KCNQ3: variants seen among roughly 807,000 people sequenced by gnomAD.
The protein encoded by KCNQ3 is potassium voltage-gated channel subfamily Q member 3.
KCNQ3 carries 30 observed loss-of-function variants against 92.5 expected under a neutral mutation model. The ratio of observed to expected loss-of-function variants is 0.32; its 90% CI spans 0.24 to 0.44. The LOEUF (loss-of-function observed/expected upper bound fraction) is 0.44, where lower values mean the gene tolerates loss of function less well. Ranked by LOEUF, KCNQ3 falls within the 20% of genes least tolerant of loss-of-function variation. The pLI is 1.00. For synonymous variants in KCNQ3, 450 were observed against 468.8 expected (o/e 0.96, Z 0.52); for missense variants, 913 against 1,140.3 (o/e 0.80, Z 2.87).
rs540345450 is a variant in KCNQ3 at position 132,125,526 on chromosome 8, T to C, written c.*3736A>G. On this transcript the variant is annotated 3_prime_UTR_variant, in exon 15 of 15. Transcript: ENST00000388996. ...GTTCTGGGCATATATTGGTGCTTAA[T>C]AAACCCTGTTAAATGAATAAACAAA... 1 of 152,222 alleles carries C rather than the reference T, an allele frequency of 6.6e-6. No homozygotes were observed. The highest frequency in any genetic ancestry group is 2.1e-4 in the South Asian group (1 of 4,828). The allele number at this position is 152,222 out of a possible 1,614,324, so 9.4% of individuals were successfully genotyped here.
At chr8:132,136,118 CAAAAAAAAAAAAAAAAA>C (rs67331428) in intron 12 of KCNQ3, among the ~76,000 whole-genome samples, 3 of 40,020 alleles carry the variant, frequency 7.5e-5, no homozygotes, top group African/African-American at 1.2e-4. Context: ...GACTCCATCT[CAAAAAAAAAAAAAAAAA>C]AAAAAAAAAA....
Position 132,126,368 on chromosome 8 carries a change from A to C in KCNQ3, c.*2894T>G, listed in dbSNP as rs771835111. On this transcript the variant is annotated 3_prime_UTR_variant, in exon 15 of 15. Transcript: ENST00000388996. ...AACTCACATTCAATTCCAGACCCTG[A>C]ATTTCTGCTTGCTCACTGTGAGCCA... is the stretch of plus-strand genomic sequence containing the variant. 1 of 152,084 alleles carries C rather than the reference A, an allele frequency of 6.6e-6. No individual in the cohort carries two copies. The highest frequency in any genetic ancestry group is 1.5e-5 in the Non-Finnish European group (1 of 68,028). The allele number at this position is 152,084 out of a possible 1,614,324, so 9.4% of individuals were successfully genotyped here. A position where few individuals can be genotyped will look rare whatever the true frequency, so the allele number is the denominator to read the frequency against.
chr8:132,420,075 C>T (rs1820927537), intron 1 of KCNQ3, among the ~76,000 whole-genome samples: 1 of 152,166 alleles, frequency 6.6e-6, no homozygotes, highest in Admixed American at 6.5e-5. Flanking sequence ...GGGTTCTGGT[C>T]AGGGCCCTCT....
chr8:132,141,406 A>T, intron 9 of KCNQ3, 75 bp from the exon 10 acceptor site: 1 of 1,270,844 alleles, frequency 7.9e-7, no homozygotes, highest in Admixed American at 1.8e-5. Context: ...CTCCATAAAG[A>T]CTCACACATT....
chr8:132,413,369 C>T (rs1820706656), intron 1 of KCNQ3, among the ~76,000 whole-genome samples: 1 of 152,196 alleles, frequency 6.6e-6, no homozygotes, highest in South Asian at 2.1e-4. Context: ...ACCCTTCAGA[C>T]TTCAGTTTAA....
At chr8:132,327,137 G>C (rs528153020) in intron 1 of KCNQ3, among the ~76,000 whole-genome samples, 1 of 152,274 alleles carries the variant, frequency 6.6e-6, no homozygotes, top group African/African-American at 2.4e-5. Context: ...ATGGAGGCAG[G>C]TGCTGAAAAA....
intron 1 of KCNQ3, among the ~76,000 whole-genome samples, chr8:132,201,029 A>T (rs142155823): frequency 1.3e-5 from 2 of 152,366 alleles, no homozygotes; most frequent in Admixed American, 6.5e-5. Flanking sequence ...AAGGTACCAC[A>T]TAGCTAGAGA....
intron 12 of KCNQ3, among the ~76,000 whole-genome samples, chr8:132,135,012 G>T (rs1801540472): frequency 6.6e-6 from 1 of 152,072 alleles, no homozygotes; most frequent in African/African-American, 2.4e-5. Context: ...AGGTTTGGGG[G>T]TACAGGTGAA....
intron 1 of KCNQ3, among the ~76,000 whole-genome samples, chr8:132,378,770 G>T (rs1819672820): frequency 6.6e-6 from 1 of 152,236 alleles, no homozygotes; most frequent in Admixed American, 6.5e-5. Context: ...TGGAAGAATA[G>T]GCATGTGGTC....
In KCNQ3 at chr8:132,434,225, A is replaced by AT. The variant is rs1250918640; in HGVS notation, c.386+45921_386+45922insA. On this transcript the variant is annotated intron_variant, in intron 1 of 14. Transcript: ENST00000388996. ...TCCGTCTCAAAAAAAAAAAAAAAAA[A>AT]AATAATAATAATAATAAACAAATAT... is the stretch of plus-strand genomic sequence containing the variant. Among the ~76,000 whole-genome samples, 62 of 136,770 alleles carry AT rather than the reference A, an allele frequency of 4.5e-4. 1 individual carries two copies. The highest frequency in any genetic ancestry group is 3.1e-3 in the South Asian group (13 of 4,174). The allele number at this position is 136,770 out of a possible 152,430, so 89.7% of individuals were successfully genotyped here. A position where few individuals can be genotyped will look rare whatever the true frequency, so the allele number is the denominator to read the frequency against.
intron 1 of KCNQ3, among the ~76,000 whole-genome samples, chr8:132,373,088 C>A (rs1178654326): frequency 6.6e-6 from 1 of 152,142 alleles, no homozygotes; most frequent in East Asian, 1.9e-4. Context: ...ATCCCATCTC[C>A]CTGCGCTTTC....
chr8:132,209,723 G>T (rs1331659545), intron 1 of KCNQ3, among the ~76,000 whole-genome samples: 1 of 152,180 alleles, frequency 6.6e-6, no homozygotes, highest in Non-Finnish European at 1.5e-5. Flanking sequence ...CTGTGTGTTA[G>T]ATGATTTTGC....
At chr8:132,172,862 A>G (rs1274156617) in intron 6 of KCNQ3, among the ~76,000 whole-genome samples, 169 bp from the exon 7 acceptor site, 1 of 152,104 alleles carries the variant, frequency 6.6e-6, no homozygotes, top group Non-Finnish European at 1.5e-5. Flanking sequence ...TCTCTTGAAG[A>G]GAGTAGGGAG....
chr8:132,148,509 C>T (rs1287555710), intron 9 of KCNQ3, among the ~76,000 whole-genome samples: 1 of 152,234 alleles, frequency 6.6e-6, no homozygotes, highest in East Asian at 1.9e-4. Context: ...CAAATAACTC[C>T]TATCCTTTGT....
At chr8:132,145,945 G>A (rs1426941121) in intron 9 of KCNQ3, among the ~76,000 whole-genome samples, 4 of 152,360 alleles carry the variant, frequency 2.6e-5, no homozygotes, top group East Asian at 1.9e-4. Flanking sequence ...ATGTGGGTGC[G>A]AGGGGCATGA....
At chr8:132,274,671 G>T (rs896693679) in intron 1 of KCNQ3, among the ~76,000 whole-genome samples, 2 of 152,032 alleles carry the variant, frequency 1.3e-5, no homozygotes, top group Admixed American at 6.6e-5. Flanking sequence ...GCCAGGCTAG[G>T]GTCTAGACAT....
Position 132,245,010 on chromosome 8 carries a change from G to A in KCNQ3, c.387-58829C>T, listed in dbSNP as rs190952754. On this transcript the variant is annotated intron_variant, in intron 1 of 14. Coordinates refer to ENST00000388996, the MANE Select transcript of KCNQ3 (RefSeq NM_004519.4). ...TATTTTCAGTCAGCATTTCTTTTACGCATTTATTTACATAAGTGCAACCAC... is the reference window on the plus strand; with the variant it reads ...TATTTTCAGTCAGCATTTCTTTTACACATTTATTTACATAAGTGCAACCAC... 2.3e-4 allele frequency among the ~76,000 whole-genome samples: 35 copies of A among 149,974 alleles called. No individual in the cohort carries two copies. The South Asian group carries it at 6.6e-3, about 28-fold the overall frequency.
chr8:132,322,678 A>T (rs1817927108), intron 1 of KCNQ3, among the ~76,000 whole-genome samples: 1 of 152,240 alleles, frequency 6.6e-6, no homozygotes, highest in Admixed American at 6.5e-5. Flanking sequence ...CTGGGCAGGC[A>T]GACGAATGTG....
intron 8 of KCNQ3, among the ~76,000 whole-genome samples, chr8:132,165,063 T>G (rs1195366394): frequency 6.6e-6 from 1 of 152,156 alleles, no homozygotes; most frequent in South Asian, 2.1e-4. Flanking sequence ...TTTATCCTTC[T>G]CTACTAGACC....
Sources: gnomAD v4.1 joint callset for allele counts (sites outside exome capture counted in the v4.1 genomes callset) on GRCh38, gnomAD v4.1.1 for gene constraint, MANE v1.5 for transcripts, NCBI Gene and HGNC (gene_info 2026-07-23, HGNC 2026-07-21) for gene names.